Variants in MITF observed in about 807,000 individuals in gnomAD.
MITF encodes the protein microphthalmia-associated transcription factor.
A neutral mutation model predicts 60.5 loss-of-function variants in MITF; 17 were observed. The observed-to-expected ratio is 0.28, with a 90% CI of 0.19 to 0.42. The LOEUF is 0.42. Ranked by LOEUF, MITF falls within the 10% of genes least tolerant of loss-of-function variation. The probability of loss-of-function intolerance (pLI) is 1.00; values close to 1 mark genes in which losing one functional copy is unlikely to be tolerated. For missense variants in MITF, 622 were observed against 683.5 expected, an observed-to-expected ratio of 0.91 and a Z score of 1.00; for synonymous variants, 260 against 248.5, an observed-to-expected ratio of 1.05 and a Z score of -0.43.
At chr3:69,953,645 A>ATG (rs1295205672) in intron 7 of MITF, among the ~76,000 whole-genome samples, 39 of 141,250 alleles carry the variant, frequency 2.8e-4, no homozygotes, top group Non-Finnish European at 3.7e-4. Flanking sequence ...ATATATATGT[A>ATG]TGTATATATA....
At chr3:69,753,679 C>T (rs1704020310) in intron 1 of MITF, among the ~76,000 whole-genome samples, 1 of 152,182 alleles carries the variant, frequency 6.6e-6, no homozygotes, top group Non-Finnish European at 1.5e-5. Flanking sequence ...GACATAGAGT[C>T]AAAGGAGATT....
intron 1 of MITF, among the ~76,000 whole-genome samples, chr3:69,830,544 A>G (rs893793768): frequency 6.6e-6 from 1 of 152,142 alleles, no homozygotes; most frequent in Non-Finnish European, 1.5e-5. Flanking sequence ...TGCTACCTTT[A>G]ACATTTTCTG....
chr3:69,791,904 C>A (rs913051150), intron 1 of MITF, among the ~76,000 whole-genome samples: 2 of 152,190 alleles, frequency 1.3e-5, no homozygotes, highest in Admixed American at 1.3e-4. Context: ...TAATAGTGAA[C>A]AACAGTAGAG....
intron 9 of MITF, among the ~76,000 whole-genome samples, chr3:69,963,343 G>A (rs1346855092): frequency 6.6e-6 from 1 of 152,190 alleles, no homozygotes; most frequent in African/African-American, 2.4e-5. Context: ...TACTGGCATA[G>A]AACTTTCACA....
intron 1 of MITF, among the ~76,000 whole-genome samples, chr3:69,824,034 C>T (rs1433547497): frequency 6.6e-6 from 1 of 152,134 alleles, no homozygotes; most frequent in East Asian, 1.9e-4. Flanking sequence ...ATATGAGCAA[C>T]ATTATTTGTA....
chr3:69,838,126 TAGAG>T (rs1394529697), intron 1 of MITF, among the ~76,000 whole-genome samples: 2 of 152,194 alleles, frequency 1.3e-5, no homozygotes, highest in Admixed American at 6.5e-5. Context: ...TGAAAGAAGA[TAGAG>T]TAGAATTGAA....
At chr3:69,940,629 G>A (rs1377364279) in intron 4 of MITF, among the ~76,000 whole-genome samples, 2 of 152,190 alleles carry the variant, frequency 1.3e-5, no homozygotes, top group African/African-American at 4.8e-5. Context: ...GATGGGTGCA[G>A]GGATAGCCAG....
At chr3:69,852,436 C>T (rs1266608313) in intron 1 of MITF, among the ~76,000 whole-genome samples, 1 of 152,210 alleles carries the variant, frequency 6.6e-6, no homozygotes, top group Non-Finnish European at 1.5e-5. Context: ...CATGTACTCT[C>T]ATATCTGGAT....
chr3:69,845,442 C>CTTTTTTTTTTT (rs751773040), intron 1 of MITF, among the ~76,000 whole-genome samples: 19 of 136,812 alleles, frequency 1.4e-4, no homozygotes, highest in Admixed American at 3.0e-4. Flanking sequence ...TTTTTTCTTT[C>CTTTTTTTTTTT]TTTTTTTTTT....
At position 69,966,229 on chromosome 3, in the gene MITF, T is replaced by G. The variant is rs1422411531; in HGVS notation, c.*981T>G. 3 of 232,694 alleles carry G rather than the reference T, an allele frequency of 1.3e-5. No homozygotes were observed. Among genetic ancestry groups the G allele is most frequent in the African/African-American group, 2.2e-5 (1 of 45,310 alleles). The allele number at this position is 232,694 out of a possible 1,614,324, so 14.4% of individuals were successfully genotyped here. ...ATATATTTGTATTAATTTGTAAGAATATGCATCTTAAAATGGCAAGTTTTC... is the reference window on the plus strand; with the variant it reads ...ATATATTTGTATTAATTTGTAAGAAGATGCATCTTAAAATGGCAAGTTTTC... On this transcript the variant is annotated 3_prime_UTR_variant, in exon 10 of 10. Transcript: ENST00000352241.
chr3:69,856,923 G>GT (rs996636997), intron 1 of MITF, among the ~76,000 whole-genome samples: 38 of 151,526 alleles, frequency 2.5e-4, no homozygotes, highest in African/African-American at 8.5e-4. Context: ...TTCATTCTCT[G>GT]TTTTTTTGTG....
At chr3:69,866,215 G>T in intron 1 of MITF, 1 of 1,602,942 alleles carries the variant, frequency 6.2e-7, no homozygotes, top group South Asian at 1.1e-5. Context: ...CACCCCTAGT[G>T]ACACAGCCAG....
intron 7 of MITF, among the ~76,000 whole-genome samples, chr3:69,952,604 C>G (rs1044978014): frequency 6.6e-6 from 1 of 152,026 alleles, no homozygotes; most frequent in African/African-American, 2.4e-5. Context: ...TATATAAACA[C>G]TTTCTCCTTA....
At chr3:69,805,612 C>A (rs1235283307) in intron 1 of MITF, among the ~76,000 whole-genome samples, 1 of 152,112 alleles carries the variant, frequency 6.6e-6, no homozygotes, top group South Asian at 2.1e-4. Context: ...TTAATATGTG[C>A]ATGGTATGCA....
intron 2 of MITF, among the ~76,000 whole-genome samples, chr3:69,937,405 T>TGTGTG (rs397953291): frequency 2.0e-5 from 3 of 150,072 alleles, no homozygotes; most frequent in African/African-American, 2.5e-5. Flanking sequence ...TGTGTGTGTG[T>TGTGTG]TTTAAAAAGA....
At chr3:69,951,664 A>G in intron 6 of MITF, 148 bp from the exon 7 acceptor site, 1 of 652,186 alleles carries the variant, frequency 1.5e-6, no homozygotes, top group South Asian at 1.7e-5. Flanking sequence ...AAGCTTTTTA[A>G]AAAGATATCA....
Position 69,937,986 on chromosome 3 carries a change from G to A in MITF, c.519G>A (p.Pro173=), listed in dbSNP as rs370367869. Residue 173 remains proline (P), a synonymous_variant, in exon 3 of 10, where the codon CCG becomes CCA. Coordinates refer to ENST00000352241, the MANE Select transcript of MITF (RefSeq NM_001354604.2). ...GCGATCATGTCATGCCACCGGTGCC[G>A]GGGAGCAGCGCACCCAACAGCCCCA... ...QPGDHVMPPV[P]GSSAPNSPMA... is the part of the protein sequence containing the mutation. The A allele has an allele frequency of 3.0e-5, 48 of 1,614,000 alleles. No individual in the cohort carries two copies. Among genetic ancestry groups the A allele is most frequent in the Non-Finnish European group, 3.4e-5 (40 of 1,180,008 alleles).
chr3:69,756,851 T>C (rs1479586421), intron 1 of MITF, among the ~76,000 whole-genome samples: 2 of 152,202 alleles, frequency 1.3e-5, no homozygotes, highest in Admixed American at 1.3e-4. Context: ...TGGTATCTCA[T>C]TGTGGTTTTG....
chr3:69,948,527 A>G (rs2066157150), intron 5 of MITF, among the ~76,000 whole-genome samples: 1 of 151,944 alleles, frequency 6.6e-6, no homozygotes, highest in Non-Finnish European at 1.5e-5. Flanking sequence ...CTCTAGCAAT[A>G]AGGAAATCAT....
Sources: gnomAD v4.1 joint callset for allele counts (sites outside exome capture counted in the v4.1 genomes callset) on GRCh38, gnomAD v4.1.1 for gene constraint, MANE v1.5 for transcripts, NCBI Gene and HGNC (gene_info 2026-07-23, HGNC 2026-07-21) for gene names.